IL1RAPL2: variants seen among roughly 807,000 people sequenced by gnomAD.
IL1RAPL2 encodes interleukin 1 receptor accessory protein like 2.
Under a neutral mutation model 44.1 loss-of-function variants are expected in IL1RAPL2, and 3 were observed. The ratio of observed to expected loss-of-function variants is 0.07; its 90% CI spans 0.03 to 0.18. The LOEUF (loss-of-function observed/expected upper bound fraction) is 0.18. IL1RAPL2 is among the 10% of genes least tolerant of loss of function. The probability of loss-of-function intolerance (pLI) is 1.00; values close to 1 mark genes in which losing one functional copy is unlikely to be tolerated. For synonymous variants in IL1RAPL2, 181 were observed against 178.8 expected (o/e 1.01, Z -0.10); for missense variants, 391 against 496.4 (o/e 0.79, Z 2.02).
Position 104,896,919 on chromosome X carries a change from C to T in IL1RAPL2, c.82+237924C>T, listed in dbSNP as rs376428814. 4.5e-5 allele frequency among the ~76,000 whole-genome samples: 5 copies of T among 111,429 alleles called. No homozygotes were observed. In the East Asian group the frequency reaches 1.4e-3, roughly 32 times the overall value. ...TGCCCCACCTTTAAGAGCTGTAACACACCCTGCGAAAGTCTGCGGCTTCAC... is the reference window on the plus strand; with the variant it reads ...TGCCCCACCTTTAAGAGCTGTAACATACCCTGCGAAAGTCTGCGGCTTCAC... On this transcript the variant is annotated intron_variant, in intron 2 of 10. Transcript: ENST00000372582.
intron 6 of IL1RAPL2, among the ~76,000 whole-genome samples, chrX:105,493,515 G>A (rs2036335660): frequency 9.0e-6 from 1 of 111,573 alleles, no homozygotes. Flanking sequence ...TTTCCCTAAT[G>A]GTTAACTATA....
intron 1 of IL1RAPL2, among the ~76,000 whole-genome samples, chrX:104,570,922 C>T (rs759175657): frequency 9.1e-6 from 1 of 109,740 alleles, no homozygotes; most frequent in African/African-American, 3.3e-5. Context: ...ACTGACTTGA[C>T]ATTTTCCCCA....
intron 2 of IL1RAPL2, among the ~76,000 whole-genome samples, chrX:105,158,608 T>C (rs1164291186): frequency 8.9e-6 from 1 of 112,366 alleles, no homozygotes; most frequent in African/African-American, 3.2e-5. Flanking sequence ...CCAAATTTTA[T>C]CATCTTTGCC....
intron 3 of IL1RAPL2, among the ~76,000 whole-genome samples, chrX:105,215,174 C>T (rs56411831): frequency 8.9e-6 from 1 of 111,777 alleles, no homozygotes; most frequent in Non-Finnish European, 1.9e-5. Context: ...AATCCAGGAG[C>T]TGATTTTTTG....
At chrX:104,706,722 G>T (rs981440748) in intron 2 of IL1RAPL2, among the ~76,000 whole-genome samples, 1 of 111,766 alleles carries the variant, frequency 8.9e-6, no homozygotes, top group African/African-American at 3.2e-5. Context: ...ATAAGCCTTG[G>T]TTTTTTGGTG....
Position 104,721,377 on chromosome X carries a change from CA to C in IL1RAPL2, c.82+62383del, listed in dbSNP as rs756031992. ...GGAGGGAGTGAGATCATGTTCTTTG[CA>C]GGGACACAGATGGAGCTGGAAGCCA... On this transcript the variant is annotated intron_variant, in intron 2 of 10. Coordinates refer to ENST00000372582, the MANE Select transcript of IL1RAPL2 (RefSeq NM_017416.2). Among the ~76,000 whole-genome samples the C allele has an allele frequency of 4.5e-5, 5 of 110,487 alleles. No individual in the cohort carries two copies. The East Asian group carries it at 1.4e-3, about 32-fold the overall frequency.
intron 2 of IL1RAPL2, among the ~76,000 whole-genome samples, chrX:104,914,270 G>C (rs1823459544): frequency 8.9e-6 from 1 of 111,858 alleles, no homozygotes; most frequent in African/African-American, 3.3e-5. Flanking sequence ...TTACTTAGGA[G>C]CAGGTTTGGT....
intron 6 of IL1RAPL2, among the ~76,000 whole-genome samples, chrX:105,697,766 T>C (rs2038088741): frequency 8.9e-6 from 1 of 111,763 alleles, no homozygotes; most frequent in Admixed American, 9.5e-5. Flanking sequence ...ACTGGCATGT[T>C]TGAGTTGTGT....
chrX:105,004,184 G>T (rs779267450), intron 2 of IL1RAPL2, among the ~76,000 whole-genome samples: 1 of 109,945 alleles, frequency 9.1e-6, no homozygotes, highest in East Asian at 2.9e-4. Context: ...ACACATCTCT[G>T]CTTGTGAGGC....
intron 6 of IL1RAPL2, among the ~76,000 whole-genome samples, chrX:105,548,722 C>T (rs1047485849): frequency 9.0e-6 from 1 of 111,279 alleles, no homozygotes; most frequent in Admixed American, 9.6e-5. Flanking sequence ...TGTTTGATCT[C>T]GGTCCTGCTT....
chrX:105,206,262 G>C (rs2033763090), intron 3 of IL1RAPL2, among the ~76,000 whole-genome samples: 1 of 111,493 alleles, frequency 9.0e-6, no homozygotes, highest in Non-Finnish European at 1.9e-5. Flanking sequence ...GCTACTACTA[G>C]CTATAATTTT....
intron 2 of IL1RAPL2, among the ~76,000 whole-genome samples, chrX:104,977,032 C>A (rs1247271818): frequency 1.8e-5 from 2 of 111,773 alleles, no homozygotes; most frequent in Non-Finnish European, 3.8e-5. Flanking sequence ...TCAGGACACT[C>A]AATTAATGAG....
At chrX:104,875,496 C>T (rs1278233408) in intron 2 of IL1RAPL2, among the ~76,000 whole-genome samples, 1 of 111,637 alleles carries the variant, frequency 9.0e-6, no homozygotes, top group Non-Finnish European at 1.9e-5. Flanking sequence ...TGGGAGTGCT[C>T]AGTTGTGTAT....
intron 6 of IL1RAPL2, among the ~76,000 whole-genome samples, chrX:105,592,921 T>C (rs192422197): frequency 8.9e-6 from 1 of 111,779 alleles, no homozygotes; most frequent in Non-Finnish European, 1.9e-5. Flanking sequence ...GATGGTCCTC[T>C]TGTATAGTAT....
chrX:104,953,243 G>T (rs1175381640), intron 2 of IL1RAPL2, among the ~76,000 whole-genome samples: 1 of 111,561 alleles, frequency 9.0e-6, no homozygotes, highest in Non-Finnish European at 1.9e-5. Context: ...TATTTGAGAA[G>T]ATTAACAAGT....
rs1258890086 is a variant in IL1RAPL2 at position 105,314,504 on chromosome X, A to C, written c.697+46963A>C. Among the ~76,000 whole-genome samples, 3 of 112,122 alleles carry C rather than the reference A, an allele frequency of 2.7e-5. No homozygotes were observed. In the East Asian group the frequency reaches 8.4e-4, roughly 32 times the overall value. On this transcript the variant is annotated intron_variant, in intron 5 of 10. Transcript: ENST00000372582. ...TCGGATCACACCACAAATTAGAGGC[A>C]GATGCACTTTTTTCAATCTGGCGTT...
chrX:105,128,371 G>T (rs777055505), intron 2 of IL1RAPL2, among the ~76,000 whole-genome samples: 1 of 110,233 alleles, frequency 9.1e-6, no homozygotes, highest in African/African-American at 3.3e-5. Flanking sequence ...CCACTACTTT[G>T]AAACAATATT....
chrX:104,717,296 C>A (rs1301899347), intron 2 of IL1RAPL2, among the ~76,000 whole-genome samples: 1 of 109,423 alleles, frequency 9.1e-6, no homozygotes, highest in East Asian at 2.9e-4. Context: ...GGGAGAGGAT[C>A]AGGAAAAATA....
intron 5 of IL1RAPL2, among the ~76,000 whole-genome samples, chrX:105,404,640 A>G (rs1261888035): frequency 9.0e-6 from 1 of 111,219 alleles, no homozygotes; most frequent in Admixed American, 9.6e-5. Flanking sequence ...TTACAATTCC[A>G]TATTTTGCAT....
Sources: gnomAD v4.1 joint callset for allele counts (sites outside exome capture counted in the v4.1 genomes callset) on GRCh38, gnomAD v4.1.1 for gene constraint, MANE v1.5 for transcripts, NCBI Gene and HGNC (gene_info 2026-07-23, HGNC 2026-07-21) for gene names.